The following RBMS3 variants were observed in gnomAD, a reference collection of about 807,000 sequenced individuals.
RBMS3 encodes the protein RNA-binding motif, single-stranded-interacting protein 3.
A neutral mutation model predicts 66.8 loss-of-function variants in RBMS3; 27 were observed. The ratio of observed to expected loss-of-function variants is 0.40; its 90% CI spans 0.30 to 0.56. The LOEUF is 0.56. Ranked by LOEUF, RBMS3 falls within the 20% of genes least tolerant of loss-of-function variation. The pLI is 0.40. For synonymous variants in RBMS3, 188 were observed against 183.0 expected (o/e 1.03, Z -0.22); for missense variants, 513 against 549.5 (o/e 0.93, Z 0.66).
chr3:29,955,170 G>T (rs1432261643), intron 12 of RBMS3, among the ~76,000 whole-genome samples: 1 of 151,930 alleles, frequency 6.6e-6, no homozygotes, highest in Non-Finnish European at 1.5e-5. Flanking sequence ...GCCTCTGCTT[G>T]AGAGGAGACC....
At chr3:29,630,405 G>A (rs1017284931) in intron 4 of RBMS3, among the ~76,000 whole-genome samples, 1 of 151,928 alleles carries the variant, frequency 6.6e-6, no homozygotes, top group Non-Finnish European at 1.5e-5. Flanking sequence ...CAAATAATGA[G>A]CCATCTGAGA....
chr3:29,785,472 G>A (rs553732184), intron 6 of RBMS3, among the ~76,000 whole-genome samples: 1 of 152,114 alleles, frequency 6.6e-6, no homozygotes, highest in African/African-American at 2.4e-5. Context: ...GAGCCCACTA[G>A]CCAAAGCAAG....
rs976450248 is a variant in RBMS3 at position 29,650,296 on chromosome 3, T to C, written c.399+63091T>C. Among the ~76,000 whole-genome samples the C allele has an allele frequency of 5.3e-3, 802 of 150,328 alleles. 4 individuals carry two copies. Among genetic ancestry groups the C allele is most frequent in the Non-Finnish European group, 8.0e-3 (539 of 67,506 alleles). ...CTTTCTTTCTTTTTTTTTTTTTTTT[T>C]TTTCTGAGACAGGGTTTTGCTCTGT... On this transcript the variant is annotated intron_variant, in intron 4 of 14. Coordinates refer to ENST00000383767, the MANE Select transcript of RBMS3 (RefSeq NM_001003793.3).
At chr3:29,928,211 TACAC>T (rs1175604100) in intron 10 of RBMS3, among the ~76,000 whole-genome samples, 50 of 93,492 alleles carry the variant, frequency 5.3e-4, no homozygotes, top group African/African-American at 1.7e-3. Context: ...TATATATATA[TACAC>T]ACACACACAC....
chr3:29,628,913 T>G (rs369967549), intron 4 of RBMS3, among the ~76,000 whole-genome samples: 2 of 152,110 alleles, frequency 1.3e-5, no homozygotes, highest in African/African-American at 4.8e-5. Flanking sequence ...ATTGTCCATG[T>G]GTTTTCCCTC....
At chr3:29,939,876 G>T (rs1010230161) in intron 11 of RBMS3, among the ~76,000 whole-genome samples, 3 of 151,684 alleles carry the variant, frequency 2.0e-5, no homozygotes, top group African/African-American at 4.8e-5. Context: ...TATCTCCATG[G>T]AAATCTCCCT....
intron 14 of RBMS3, among the ~76,000 whole-genome samples, chr3:29,999,214 T>C (rs1157342900): frequency 1.3e-5 from 2 of 152,192 alleles, no homozygotes; most frequent in East Asian, 3.9e-4. Context: ...CACAATGAGA[T>C]ATCATGTTAC....
chr3:29,367,695 T>C (rs1240840055), intron 1 of RBMS3, among the ~76,000 whole-genome samples: 2 of 152,144 alleles, frequency 1.3e-5, no homozygotes, highest in Admixed American at 1.3e-4. Flanking sequence ...TTTTTTCCTA[T>C]AAAGAACATG....
intron 3 of RBMS3, among the ~76,000 whole-genome samples, chr3:29,577,036 C>T (rs2149076736): frequency 6.6e-6 from 1 of 152,302 alleles, no homozygotes; most frequent in East Asian, 1.9e-4. Flanking sequence ...CCTTCCTCTA[C>T]ATCTCAGAGC....
intron 4 of RBMS3, 38 bp downstream of exon 4, chr3:29,587,243 TTTTTTTGTG>T (rs1485083839): frequency 1.4e-5 from 12 of 840,998 alleles, no homozygotes; most frequent in African/African-American, 4.5e-5. Flanking sequence ...TTTTTTTTTT[TTTTTTTGTG>T]TGTGTGTGTG....
chr3:29,940,972 C>T (rs1196282025), intron 11 of RBMS3, among the ~76,000 whole-genome samples: 1 of 151,818 alleles, frequency 6.6e-6, no homozygotes, highest in Non-Finnish European at 1.5e-5. Context: ...GTTATGAGAA[C>T]CTCCAAGTTG....
At chr3:29,312,083 T>C (rs2034412373) in intron 1 of RBMS3, among the ~76,000 whole-genome samples, 1 of 151,798 alleles carries the variant, frequency 6.6e-6, no homozygotes, top group Non-Finnish European at 1.5e-5. Context: ...CTGGTTAGTA[T>C]ACTAAGGGAT....
intron 1 of RBMS3, among the ~76,000 whole-genome samples, chr3:29,336,288 G>A (rs2035942078): frequency 6.6e-6 from 1 of 152,086 alleles, no homozygotes; most frequent in African/African-American, 2.4e-5. Context: ...TTTTGCTCAA[G>A]GATGCTTTCT....
chr3:29,583,098 G>T (rs370017902), intron 3 of RBMS3, among the ~76,000 whole-genome samples: 1 of 152,128 alleles, frequency 6.6e-6, no homozygotes, highest in East Asian at 1.9e-4. Flanking sequence ...CTCGCTGGCA[G>T]AATGACTCTT....
In RBMS3 at chr3:29,990,456, GAAACAAAA is replaced by G. The variant is rs1698771665; in HGVS notation, c.1180-622_1180-615del. 1.3e-4 allele frequency among the ~76,000 whole-genome samples: 4 copies of G among 30,656 alleles called. No homozygotes were observed. The Admixed American group carries it at 1.6e-3, about 12-fold the overall frequency. The allele number at this position is 30,656 out of a possible 152,430, so 20.1% of individuals were successfully genotyped here. On this transcript the variant is annotated intron_variant, in intron 13 of 14. Coordinates refer to ENST00000383767, the MANE Select transcript of RBMS3 (RefSeq NM_001003793.3). Reference sequence around the variant, plus strand: ...AATCCACTCTTGCCAGCATCTGTGAGAAACAAAAAAAAAAAAAAAAAAAAAAATAGGGT... The same window carrying G: ...AATCCACTCTTGCCAGCATCTGTGAGAAAAAAAAAAAAAAAAAAATAGGGT...
chr3:29,829,514 A>G (rs572709984), intron 6 of RBMS3, among the ~76,000 whole-genome samples: 2 of 152,270 alleles, frequency 1.3e-5, no homozygotes, highest in East Asian at 3.9e-4. Flanking sequence ...TCGCTTCTCC[A>G]GAGCTCCCAA....
At chr3:29,552,665 A>G (rs942440447) in intron 3 of RBMS3, among the ~76,000 whole-genome samples, 16 of 152,164 alleles carry the variant, frequency 1.1e-4, no homozygotes, top group African/African-American at 3.9e-4. Context: ...TATTGACTGA[A>G]GAAAAGAAAA....
chr3:29,503,689 G>A (rs2148941481), intron 3 of RBMS3, among the ~76,000 whole-genome samples: 1 of 152,186 alleles, frequency 6.6e-6, no homozygotes, highest in East Asian at 1.9e-4. Flanking sequence ...TAACAGCAAG[G>A]CAGTCATTTC....
intron 3 of RBMS3, 43 bp from the exon 4 acceptor site, chr3:29,587,071 A>G (rs758618077): frequency 2.1e-6 from 3 of 1,460,044 alleles, no homozygotes; most frequent in Non-Finnish European, 1.9e-6. Context: ...ATAGAGATTC[A>G]GCTTTTTGTG....
Sources: allele counts gnomAD v4.1 joint callset (sites outside exome capture counted in the v4.1 genomes callset), GRCh38; gene constraint gnomAD v4.1.1; transcripts MANE v1.5; gene names NCBI Gene and HGNC (gene_info 2026-07-23, HGNC 2026-07-21).